The following CLTCL1 variants were observed in gnomAD, a reference collection of about 807,000 sequenced individuals.
CLTCL1 encodes clathrin heavy chain 2.
A neutral mutation model predicts 190.0 loss-of-function variants in CLTCL1; 159 were observed. The ratio of observed to expected loss-of-function variants is 0.84; its 90% CI spans 0.74 to 0.95. CLTCL1 has a LOEUF of 0.95. Among genes scored for constraint, CLTCL1 ranks in the 40% least tolerant of loss-of-function variants. The pLI, the probability that CLTCL1 is intolerant of heterozygous loss-of-function variation, is 0.00. For missense variants in CLTCL1, 1,878 were observed against 2,033.4 expected (o/e 0.92, Z 1.47); for synonymous variants, 752 against 769.6 (o/e 0.98, Z 0.38).
chr22:19,245,126 T>C (rs1010844957), intron 3 of CLTCL1, among the ~76,000 whole-genome samples: 3 of 151,718 alleles, frequency 2.0e-5, no homozygotes, highest in Non-Finnish European at 4.4e-5. Flanking sequence ...CAGGCATCTG[T>C]ATTTGCAAAT....
intron 22 of CLTCL1, chr22:19,207,707 C>G (rs552050453): frequency 1.2e-4 from 58 of 476,466 alleles, no homozygotes; most frequent in Non-Finnish European, 2.0e-4. Flanking sequence ...GCTTGCATTA[C>G]TGCCTGAGCT....
Position 19,226,246 on chromosome 22 carries a change from C to G in CLTCL1, c.1920G>C (p.Val640=). The change falls in exon 12 of 33, where the codon GTG becomes GTC. Residue 640 remains valine, a synonymous_variant. Coordinates refer to ENST00000427926, the MANE Select transcript of CLTCL1 (RefSeq NM_007098.4). ...YTDLYDIKRA[V]VHTHLLNPEW... ...CGGGATTGAGGAGGTGAGTGTGGAC[C>G]ACAGCCCTCTTGATGTCATAGAGGT... The G allele has an allele frequency of 6.2e-7, 1 of 1,613,896 alleles. No individual in the cohort carries two copies. Among genetic ancestry groups the G allele is most frequent in the Non-Finnish European group, 8.5e-7 (1 of 1,179,842 alleles).
chr22:19,196,514 A>T lies in CLTCL1; in HGVS notation c.4016T>A (p.Phe1339Tyr). The T allele has an allele frequency of 6.2e-7, 1 of 1,614,074 alleles. No homozygotes were observed. The highest frequency in any genetic ancestry group is 8.5e-7 in the Non-Finnish European group (1 of 1,179,902). ...PQKMLEHLEL[F>Y]WSRVNIPKVL... The stretch of plus-strand genomic sequence containing the variant: ...CTTTGGGATGTTGACACGGGACCAG[A>T]AAAGCTCCAGATGCTCCAGCATCTT... The change falls in exon 25 of 33, where the codon TTC (phenylalanine) becomes TAC (tyrosine). Residue 1339 changes from phenylalanine to tyrosine, a missense_variant. Transcript: ENST00000427926.
In CLTCL1 at chr22:19,208,240, C is replaced by T. The variant is rs2085112395; in HGVS notation, c.3514G>A (p.Glu1172Lys). The T allele has an allele frequency of 6.2e-7, 1 of 1,613,820 alleles. No homozygotes were observed. The highest frequency in any genetic ancestry group is 2.2e-5 in the East Asian group (1 of 44,882). The part of the protein sequence containing the change: ...KKGRESYIET[E>K]LIFALAKTSR... ...GTTTTAGCCAAGGCAAAAATAAGTTCAGTCTCTATATAGGACTCACGGCCC... is the reference window on the plus strand; with the variant it reads ...GTTTTAGCCAAGGCAAAAATAAGTTTAGTCTCTATATAGGACTCACGGCCC... The change falls in exon 22 of 33, where the codon GAA becomes AAA. Residue 1172 changes from glutamate (E) to lysine (K), a missense_variant. Physicochemically the swap from Glu to Lys is moderately conservative, Grantham distance 56. Coordinates refer to ENST00000427926, the MANE Select transcript of CLTCL1 (RefSeq NM_007098.4).
At chr22:19,205,353 T>A (rs2085017749) in intron 22 of CLTCL1, among the ~76,000 whole-genome samples, 1 of 151,940 alleles carries the variant, frequency 6.6e-6, no homozygotes, top group African/African-American at 2.4e-5. Context: ...CTACCAAAAA[T>A]ACAAAAATTA....
At chr22:19,261,440 C>T (rs1236137638) in intron 2 of CLTCL1, among the ~76,000 whole-genome samples, 1 of 152,154 alleles carries the variant, frequency 6.6e-6, no homozygotes, top group African/African-American at 2.4e-5. Context: ...GCTACAGCTG[C>T]CATAAATATG....
chr22:19,208,078 G>A (rs543843932), intron 22 of CLTCL1, 76 bp downstream of exon 22: 12 of 1,577,194 alleles, frequency 7.6e-6, no homozygotes, highest in African/African-American at 2.7e-5. Context: ...AAAACAGCTC[G>A]GGACTGCTGC....
At chr22:19,196,972 G>T (rs539100910) in intron 24 of CLTCL1, among the ~76,000 whole-genome samples, 1 of 152,194 alleles carries the variant, frequency 6.6e-6, no homozygotes, top group Non-Finnish European at 1.5e-5. Context: ...GTCTGGGAAT[G>T]ATTTGTTTTA....
chr22:19,223,881 T>G lies in CLTCL1; in HGVS notation c.2292+10A>C. 6.2e-7 allele frequency: 1 copy of G among 1,613,190 alleles called. No homozygotes were observed. Among genetic ancestry groups the G allele is most frequent in the Non-Finnish European group, 8.5e-7 (1 of 1,179,850 alleles). On this transcript the variant is annotated intron_variant, in intron 14 of 32. Coordinates refer to ENST00000427926, the MANE Select transcript of CLTCL1 (RefSeq NM_007098.4). ...GGCAGCTCATGGAAGGAGGCAGCAC[T>G]GGAACACACCTTCAGGAAGTTCTTC...
At chr22:19,249,294 G>A (rs1430354133) in intron 3 of CLTCL1, among the ~76,000 whole-genome samples, 2 of 152,124 alleles carry the variant, frequency 1.3e-5, no homozygotes, top group Non-Finnish European at 2.9e-5. Flanking sequence ...GGGAGGTGGA[G>A]GTTGCAGTGA....
At chr22:19,255,570 AT>A (rs2086718877) in intron 2 of CLTCL1, among the ~76,000 whole-genome samples, 1 of 151,736 alleles carries the variant, frequency 6.6e-6, no homozygotes, top group African/African-American at 2.4e-5. Context: ...CTCAAAAAAA[AT>A]CAACTGAATT....
chr22:19,279,860 CA>C (rs1319226739), intron 1 of CLTCL1, among the ~76,000 whole-genome samples: 1 of 152,146 alleles, frequency 6.6e-6, no homozygotes. Context: ...ATGTATGAAA[CA>C]AAAGACTCTT....
At chr22:19,219,173 A>T (rs144331504) in intron 18 of CLTCL1, among the ~76,000 whole-genome samples, 1 of 132,740 alleles carries the variant, frequency 7.5e-6, no homozygotes, top group Admixed American at 7.9e-5. Flanking sequence ...TTATTTATTT[A>T]TTTATTTATT....
intron 10 of CLTCL1, among the ~76,000 whole-genome samples, chr22:19,230,216 G>A (rs1351271961): frequency 1.3e-5 from 2 of 150,698 alleles, no homozygotes; most frequent in African/African-American, 4.9e-5. Flanking sequence ...CGATTCTCCT[G>A]CCTCAGCTTC....
chr22:19,252,789 C>T (rs183754370), intron 3 of CLTCL1, among the ~76,000 whole-genome samples: 200 of 152,232 alleles, frequency 1.3e-3, no homozygotes, highest in African/African-American at 4.2e-3. Context: ...CCAAGGCGGG[C>T]GGATCACGAG....
intron 5 of CLTCL1, among the ~76,000 whole-genome samples, chr22:19,237,541 A>C (rs2086118274): frequency 6.6e-6 from 1 of 152,150 alleles, no homozygotes; most frequent in Non-Finnish European, 1.5e-5. Context: ...CCAGCAGTTT[A>C]ATTTCTAGGA....
intron 1 of CLTCL1, among the ~76,000 whole-genome samples, chr22:19,277,740 A>G (rs2146311629): frequency 1.3e-5 from 2 of 152,306 alleles, no homozygotes; most frequent in Middle Eastern, 6.8e-3. Context: ...TGCCAACGCC[A>G]GATGTGGGGG....
At chr22:19,195,572 G>A (rs1028452407) in intron 26 of CLTCL1, among the ~76,000 whole-genome samples, 1 of 152,144 alleles carries the variant, frequency 6.6e-6, no homozygotes, top group African/African-American at 2.4e-5. Context: ...GGCACAAAGC[G>A]CAGATACCCA....
intron 3 of CLTCL1, among the ~76,000 whole-genome samples, chr22:19,246,216 T>C (rs1206539): frequency 0.072 from 10,810 of 149,942 alleles, 475 homozygotes; most frequent in Middle Eastern, 0.17. Context: ...CCTGCCACCA[T>C]GCCCGGCTAG....
Sources: allele counts gnomAD v4.1 joint callset (sites outside exome capture counted in the v4.1 genomes callset), GRCh38; gene constraint gnomAD v4.1.1; transcripts MANE v1.5; gene names NCBI Gene and HGNC (gene_info 2026-07-23, HGNC 2026-07-21).